KPNB1: variants seen among roughly 807,000 people sequenced by gnomAD.
The protein encoded by KPNB1 is karyopherin subunit beta 1.
A neutral mutation model predicts 113.0 loss-of-function variants in KPNB1; 7 were observed. The ratio of observed to expected loss-of-function variants is 0.06; its 90% confidence interval spans 0.04 to 0.12. The LOEUF (loss-of-function observed/expected upper bound fraction) is 0.12, where lower values mean the gene tolerates loss of function less well. Among genes scored for constraint, KPNB1 ranks in the 10% least tolerant of loss-of-function variants. The pLI is 1.00. For missense variants in KPNB1, 400 were observed against 1,054.8 expected (o/e 0.38, Z 8.60); for synonymous variants, 363 against 378.6 (o/e 0.96, Z 0.48).
chr17:47,675,758 C>T (rs2143167657), intron 15 of KPNB1, among the ~76,000 whole-genome samples: 1 of 152,234 alleles, frequency 6.6e-6, no homozygotes, highest in Middle Eastern at 3.4e-3. Flanking sequence ...TTACGAAGCA[C>T]TTTAGGAATC....
At chr17:47,664,926 A>T (rs1382301658) in intron 8 of KPNB1, 131 bp from the exon 9 acceptor site, 2 of 688,558 alleles carry the variant, frequency 2.9e-6, no homozygotes, top group African/African-American at 1.8e-5. Context: ...TTCCAAGATC[A>T]CATTGTATGT....
Position 47,650,149 on chromosome 17 carries a change from C to A in KPNB1, c.-96C>A. ...CCCGCCCCCCACCCCACCCTCCCTTCCCACCCGACCCCCAACCCCCATCCC... is the reference window on the plus strand; with the variant it reads ...CCCGCCCCCCACCCCACCCTCCCTTACCACCCGACCCCCAACCCCCATCCC... On this transcript the variant is annotated 5_prime_UTR_variant, in exon 1 of 22. Coordinates refer to ENST00000290158, the MANE Select transcript of KPNB1 (RefSeq NM_002265.6). 1 of 746,888 alleles carries A rather than the reference C, an allele frequency of 1.3e-6. No individual in the cohort carries two copies. Among genetic ancestry groups the A allele is most frequent in the Non-Finnish European group, 1.7e-6 (1 of 590,216 alleles). 46.3% of individuals were successfully genotyped at this position (746,888 alleles called of 1,614,324 possible).
intron 21 of KPNB1, among the ~76,000 whole-genome samples, 156 bp from the exon 22 acceptor site, chr17:47,682,248 C>T (rs866937354): frequency 1.3e-5 from 2 of 152,176 alleles, no homozygotes; most frequent in African/African-American, 4.8e-5. Flanking sequence ...AAGAGCAGGT[C>T]AATGGCACAT....
chr17:47,672,370 A>G (rs2030476846), intron 12 of KPNB1, among the ~76,000 whole-genome samples: 1 of 151,958 alleles, frequency 6.6e-6, no homozygotes, highest in Non-Finnish European at 1.5e-5. Flanking sequence ...ATATGAAGAC[A>G]TCTTTTTTAA....
At chr17:47,655,030 G>A (rs557231337) in intron 3 of KPNB1, among the ~76,000 whole-genome samples, 49 of 152,238 alleles carry the variant, frequency 3.2e-4, no homozygotes, top group Non-Finnish European at 4.4e-4. Context: ...ATGATATACC[G>A]TATAAGAAGG....
intron 15 of KPNB1, among the ~76,000 whole-genome samples, chr17:47,675,499 C>T (rs539886652): frequency 1.3e-5 from 2 of 151,146 alleles, no homozygotes; most frequent in South Asian, 4.2e-4. Flanking sequence ...CCTCAGCCTT[C>T]TGAGTAGCTG....
intron 7 of KPNB1, among the ~76,000 whole-genome samples, chr17:47,663,631 T>A (rs889830949): frequency 2.0e-5 from 3 of 151,994 alleles, no homozygotes; most frequent in African/African-American, 7.3e-5. Context: ...GCCATTGCAC[T>A]CCAACCTGGG....
rs571447774 is a variant in KPNB1, at chr17:47,669,779, T to C, written c.1326T>C (p.Ala442=). ...VGRICELLPE[A]AINDVYLAPL... ...GAATTTGTGAGCTGCTTCCTGAAGC[T>C]GCCATCAATGATGTCTACTTGGCTC... Residue 442 remains alanine, a synonymous_variant, in exon 11 of 22, where the codon GCT becomes GCC. Transcript: ENST00000290158. 8 of 1,614,092 alleles carry C rather than the reference T, an allele frequency of 5.0e-6. No individual in the cohort carries two copies. In the African/African-American group the frequency reaches 5.3e-5, roughly 11 times the overall value.
intron 19 of KPNB1, 82 bp from the exon 20 acceptor site, chr17:47,679,938 C>T: frequency 2.5e-6 from 2 of 802,780 alleles, no homozygotes; most frequent in Non-Finnish European, 4.3e-6. Context: ...ACCTTGTGAT[C>T]CACCCGCCTG....
In KPNB1 at chr17:47,683,102, A is replaced by AAC. The variant is rs1555619971; in HGVS notation, c.*699_*700insCA. 1.4e-5 allele frequency: 2 copies of AAC among 146,988 alleles called. No homozygotes were observed. Among genetic ancestry groups the AAC allele is most frequent in the Non-Finnish European group, 3.0e-5 (2 of 66,700 alleles). The allele number at this position is 146,988 out of a possible 1,614,324, so 9.1% of individuals were successfully genotyped here. On this transcript the variant is annotated 3_prime_UTR_variant, in exon 22 of 22. Coordinates refer to ENST00000290158, the MANE Select transcript of KPNB1 (RefSeq NM_002265.6). ...AGCACAAGAGATGTAAAAAAAAAAA[A>AAC]AAAAAAAAAAAAAAAAACACACACA...
chr17:47,650,193 G>A lies in KPNB1; in HGVS notation c.-52G>A, dbSNP rs1034027436. The A allele has an allele frequency of 6.6e-6, 8 of 1,215,976 alleles. No individual in the cohort carries two copies. In the Admixed American group the frequency reaches 2.5e-4, roughly 38 times the overall value. The allele number at this position is 1,215,976 out of a possible 1,614,324, so 75.3% of individuals were successfully genotyped here. A position where few individuals can be genotyped will look rare whatever the true frequency, so the allele number is the denominator to read the frequency against. ...CCATCCCCAGTTCGAGCCGCCGCCCGAAAGGCCGGGCCGTCGTCTTAGGAG... is the reference window on the plus strand; with the variant it reads ...CCATCCCCAGTTCGAGCCGCCGCCCAAAAGGCCGGGCCGTCGTCTTAGGAG... On this transcript the variant is annotated 5_prime_UTR_variant, in exon 1 of 22. Transcript: ENST00000290158.
chr17:47,672,826 T>C (rs2030489387), intron 12 of KPNB1, among the ~76,000 whole-genome samples, 192 bp from the exon 13 acceptor site: 1 of 152,230 alleles, frequency 6.6e-6, no homozygotes, highest in Admixed American at 6.5e-5. Context: ...TTTAACTGTC[T>C]GGAGACCATA....
In KPNB1 at chr17:47,678,619, T is replaced by C. The variant is rs183807419; in HGVS notation, c.2353+206T>C. On this transcript the variant is annotated intron_variant, in intron 19 of 21. Coordinates refer to ENST00000290158, the MANE Select transcript of KPNB1 (RefSeq NM_002265.6). ...TTGCTCTGCTTCTTCTTTCTTTTTTTTGTTTTGAGACGGAGTCTCACTCTG... is the reference window on the plus strand; with the variant it reads ...TTGCTCTGCTTCTTCTTTCTTTTTTCTGTTTTGAGACGGAGTCTCACTCTG... The C allele has an allele frequency of 4.9e-4, 265 of 540,398 alleles. 1 individual carries two copies. Among genetic ancestry groups the C allele is most frequent in the African/African-American group, 3.9e-3 (207 of 52,796 alleles). 33.5% of individuals were successfully genotyped at this position (540,398 alleles called of 1,614,324 possible).
intron 15 of KPNB1, among the ~76,000 whole-genome samples, chr17:47,675,358 G>GTTTTTTTTTT (rs1555619221): frequency 1.1e-5 from 1 of 88,810 alleles, no homozygotes; most frequent in African/African-American, 4.3e-5. Flanking sequence ...TGGCAGAGGT[G>GTTTTTTTTTT]TTGTTTTTTT....
intron 3 of KPNB1, among the ~76,000 whole-genome samples, chr17:47,653,230 C>T (rs1043111633): frequency 2.9e-4 from 44 of 150,448 alleles, no homozygotes; most frequent in African/African-American, 8.6e-4. Context: ...CCAAGCTCTC[C>T]AGAAATTCCG....
chr17:47,650,568 T>TCCCCCTCCC, intron 2 of KPNB1, 124 bp downstream of exon 2: 2 of 401,554 alleles, frequency 5.0e-6, no homozygotes, highest in Non-Finnish European at 4.3e-6. Flanking sequence ...CCCTCCCCCC[T>TCCCCCTCCC]CCCCCTCCCC....
At chr17:47,672,181 T>C (rs1469972097) in intron 12 of KPNB1, among the ~76,000 whole-genome samples, 3 of 152,048 alleles carry the variant, frequency 2.0e-5, no homozygotes, top group Admixed American at 2.0e-4. Flanking sequence ...AATTTTTGTA[T>C]TTTTAGTAGA....
At position 47,675,361 on chromosome 17, in the gene KPNB1, G is replaced by GTTTTTTGTTTTT. The variant is rs2030568899; in HGVS notation, c.1912+585_1912+586insGTTTTTTTTTTT. Among the ~76,000 whole-genome samples the GTTTTTTGTTTTT allele has an allele frequency of 3.4e-5, 3 of 88,694 alleles. 1 individual carries two copies. The South Asian group carries it at 1.1e-3, about 33-fold the overall frequency. The allele number at this position is 88,694 out of a possible 152,430, so 58.2% of individuals were successfully genotyped here. On this transcript the variant is annotated intron_variant, in intron 15 of 21. Coordinates refer to ENST00000290158, the MANE Select transcript of KPNB1 (RefSeq NM_002265.6). ...TGCAACGGAGATTGGCAGAGGTGTT[G>GTTTTTTGTTTTT]TTTTTTTTTTGTTTTTTTTTTTTGT...
rs1343874990 is a variant in KPNB1, at chr17:47,680,601, G to A, written c.2562G>A (p.Lys854=). 2 of 1,614,162 alleles carry A rather than the reference G, an allele frequency of 1.2e-6. No homozygotes were observed. The highest frequency in any genetic ancestry group is 8.5e-7 in the Non-Finnish European group (1 of 1,180,014). ...HELLTEGRRS[K]TNKAKTLATW... is the part of the protein sequence containing the mutation. ...TGTTAACTGAAGGGCGGAGATCGAA[G>A]ACTAACAAAGCAAAAACCCTTGCTA... is the stretch of plus-strand genomic sequence containing the variant. The change falls in exon 21 of 22, where the codon AAG becomes AAA. Residue 854 remains lysine, a synonymous_variant. Transcript: ENST00000290158.
Sources: allele counts gnomAD v4.1 joint callset (sites outside exome capture counted in the v4.1 genomes callset), GRCh38; gene constraint gnomAD v4.1.1; transcripts MANE v1.5; gene names NCBI Gene and HGNC (gene_info 2026-07-23, HGNC 2026-07-21).